Variants in TASP1 observed in about 807,000 individuals in gnomAD.
TASP1 encodes the protein threonine aspartase 1.
Under a neutral mutation model 56.6 loss-of-function variants are expected in TASP1, and 16 were observed. The observed-to-expected ratio is 0.28, with a 90% CI of 0.19 to 0.43. The LOEUF (loss-of-function observed/expected upper bound fraction) is 0.43, where lower values mean the gene tolerates loss of function less well. Among genes scored for constraint, TASP1 ranks in the 20% least tolerant of loss-of-function variants. The probability of loss-of-function intolerance (pLI) is 1.00; values close to 1 mark genes in which losing one functional copy is unlikely to be tolerated. For missense variants in TASP1, 393 were observed against 511.6 expected (o/e 0.77, Z 2.24); for synonymous variants, 179 against 184.2 (o/e 0.97, Z 0.23).
At chr20:13,548,251 A>G (rs779991557) in intron 8 of TASP1, among the ~76,000 whole-genome samples, 37 of 152,260 alleles carry the variant, frequency 2.4e-4, no homozygotes, top group Non-Finnish European at 3.2e-4. Flanking sequence ...GAAAACTTCA[A>G]GAATGCTGGG....
At chr20:13,428,324 CTG>C (rs1346178635) in intron 12 of TASP1, among the ~76,000 whole-genome samples, 1 of 152,088 alleles carries the variant, frequency 6.6e-6, no homozygotes, top group Non-Finnish European at 1.5e-5. Flanking sequence ...TTCTAATTAC[CTG>C]TATCTAATTA....
chr20:13,255,459 T>C, the TASP1 span, among the ~76,000 whole-genome samples: 3 of 152,056 alleles, frequency 2.0e-5, no homozygotes, highest in African/African-American at 7.2e-5. Flanking sequence ...AGAAAAGAAG[T>C]ATATATATGG....
intron 4 of TASP1, chr20:13,616,773 G>A (rs2147484693): frequency 4.6e-6 from 1 of 218,414 alleles, no homozygotes; most frequent in Admixed American, 5.7e-5. Context: ...AACACAAACA[G>A]TAAGTTACAA....
At chr20:13,299,083 G>A in the TASP1 span, 5 of 1,613,602 alleles carry the variant, frequency 3.1e-6, no homozygotes, top group South Asian at 1.1e-5. This position sits in a 1 kb window ranked among gnomAD's most constrained non-coding sequence, Gnocchi z 5.8. Context: ...ATCTTCGACC[G>A]CATCAAGCGC....
At chr20:13,477,509 C>A (rs559469895) in intron 11 of TASP1, among the ~76,000 whole-genome samples, 24 of 152,098 alleles carry the variant, frequency 1.6e-4, no homozygotes, top group African/African-American at 5.5e-4. Flanking sequence ...AAGTACTGAG[C>A]AGGAATCTAT....
At chr20:13,448,645 T>C (rs1389441941) in intron 11 of TASP1, among the ~76,000 whole-genome samples, 1 of 152,118 alleles carries the variant, frequency 6.6e-6, no homozygotes, top group Non-Finnish European at 1.5e-5. Context: ...CAAGTAGACT[T>C]GTACATAATT....
In TASP1 at chr20:13,417,428, G is replaced by A. The variant is rs2042293282; in HGVS notation, c.1170+20C>T. 5.0e-6 allele frequency: 8 copies of A among 1,613,766 alleles called. No homozygotes were observed. Among genetic ancestry groups the A allele is most frequent in the Admixed American group, 1.7e-5 (1 of 60,000 alleles). ...GATGGCTACAAGGTTTTCAGGTTAT[G>A]ACCGTTTTTTCCCACTTACCTTGGC... On this transcript the variant is annotated intron_variant, in intron 13 of 13. Transcript: ENST00000337743.
At chr20:13,212,759 C>T in the TASP1 span, among the ~76,000 whole-genome samples, 4 of 152,324 alleles carry the variant, frequency 2.6e-5, no homozygotes, top group East Asian at 1.9e-4. Flanking sequence ...ATAACAACCA[C>T]GCTAAATTTG....
chr20:13,338,188 A>G, the TASP1 span, among the ~76,000 whole-genome samples: 1 of 152,204 alleles, frequency 6.6e-6, no homozygotes. Context: ...TTTCTGAGAA[A>G]GAGACAGGCA....
the TASP1 span, among the ~76,000 whole-genome samples, chr20:13,283,301 G>A: frequency 6.6e-6 from 1 of 152,202 alleles, no homozygotes; most frequent in African/African-American, 2.4e-5. Flanking sequence ...ACCCAGGAAG[G>A]AGAGGTTCAT....
At chr20:13,216,147 C>T in the TASP1 span, among the ~76,000 whole-genome samples, 1 of 152,160 alleles carries the variant, frequency 6.6e-6, no homozygotes, top group African/African-American at 2.4e-5. Flanking sequence ...GCACACTGCC[C>T]TCATGGACAG....
intron 11 of TASP1, among the ~76,000 whole-genome samples, chr20:13,448,352 G>C (rs976727962): frequency 2.0e-5 from 3 of 151,942 alleles, no homozygotes; most frequent in African/African-American, 7.2e-5. Flanking sequence ...TATAAATTTC[G>C]AGTGGCTTTA....
the TASP1 span, among the ~76,000 whole-genome samples, chr20:13,263,556 G>T: frequency 6.6e-6 from 1 of 152,166 alleles, no homozygotes; most frequent in Non-Finnish European, 1.5e-5. Flanking sequence ...CAAAACTTTT[G>T]CTCTTCCCTT....
chr20:13,271,996 C>G, the TASP1 span, among the ~76,000 whole-genome samples: 5 of 152,110 alleles, frequency 3.3e-5, no homozygotes, highest in Admixed American at 1.3e-4. Context: ...TCAGGCTGGG[C>G]TCAAACTCCT....
chr20:13,515,549 A>T (rs1229749383), intron 10 of TASP1, among the ~76,000 whole-genome samples: 1 of 16,506 alleles, frequency 6.1e-5, no homozygotes, highest in African/African-American at 2.0e-4. Flanking sequence ...TCATACACTT[A>T]AAAAAAAAAA....
the TASP1 span, among the ~76,000 whole-genome samples, chr20:13,255,822 G>T: frequency 1.3e-5 from 2 of 152,100 alleles, no homozygotes; most frequent in Non-Finnish European, 2.9e-5. Context: ...ACTACAAGGG[G>T]TCCGCTGTGC....
the TASP1 span, among the ~76,000 whole-genome samples, chr20:13,143,178 G>A: frequency 6.6e-6 from 1 of 152,114 alleles, no homozygotes; most frequent in East Asian, 1.9e-4. Flanking sequence ...AAAAGACCAA[G>A]AAGGAGACCG....
intron 10 of TASP1, among the ~76,000 whole-genome samples, chr20:13,525,255 G>A (rs940325896): frequency 1.3e-5 from 2 of 152,146 alleles, no homozygotes; most frequent in Admixed American, 6.5e-5. Context: ...TTACAGTAAT[G>A]GTAGATATTA....
chr20:13,521,672 C>A (rs947885678), intron 10 of TASP1, among the ~76,000 whole-genome samples: 8 of 151,714 alleles, frequency 5.3e-5, no homozygotes, highest in African/African-American at 1.9e-4. Context: ...AGGAGATATA[C>A]CTAATGTTAA....
Sources: gnomAD v4.1 joint callset for allele counts (sites outside exome capture counted in the v4.1 genomes callset) on GRCh38, gnomAD v4.1.1 for gene constraint, Gnocchi (gnomAD v3.1) non-coding constraint, MANE v1.5 for transcripts, NCBI Gene and HGNC (gene_info 2026-07-23, HGNC 2026-07-21) for gene names.